The following NDUFS1 variants were observed in gnomAD, a reference collection of about 807,000 sequenced individuals.
NDUFS1 encodes NADH:ubiquinone oxidoreductase core subunit S1, also known as NADH-ubiquinone oxidoreductase 75 kDa subunit, mitochondrial.
Under a neutral mutation model 84.4 loss-of-function variants are expected in NDUFS1, and 61 were observed. The ratio of observed to expected loss-of-function variants is 0.72; its 90% CI spans 0.59 to 0.89. The LOEUF (loss-of-function observed/expected upper bound fraction) is 0.89, where lower values mean the gene tolerates loss of function less well. NDUFS1 is among the 40% of genes least tolerant of loss of function. NDUFS1 has a pLI of 0.00. For synonymous variants in NDUFS1, 275 were observed against 290.0 expected (o/e 0.95, Z 0.53); for missense variants, 891 against 890.0 (o/e 1.00, Z -0.01).
chr2:206,149,497 G>A (rs574846865), intron 4 of NDUFS1, among the ~76,000 whole-genome samples: 26 of 152,248 alleles, frequency 1.7e-4, no homozygotes, highest in Admixed American at 1.2e-3. Context: ...ATGGCAGGGC[G>A]TCAGCACTTT....
chr2:206,122,720 A>G lies in NDUFS1; in HGVS notation c.*1465T>C, dbSNP rs1398444343. 1 of 152,000 alleles carries G rather than the reference A, an allele frequency of 6.6e-6. No homozygotes were observed. The highest frequency in any genetic ancestry group is 1.5e-5 in the Non-Finnish European group (1 of 68,004). 9.4% of individuals were successfully genotyped at this position (152,000 alleles called of 1,614,324 possible). A position where few individuals can be genotyped will look rare whatever the true frequency, so the allele number is the denominator to read the frequency against. ...AGAAAAGAATAAGGATTACAAAACA[A>G]ATAAATTGTGAACATAGTTTTGTTT... On this transcript the variant is annotated 3_prime_UTR_variant, in exon 19 of 19. Transcript: ENST00000233190.
chr2:206,143,586 C>T (rs1692045911), intron 10 of NDUFS1, among the ~76,000 whole-genome samples: 2 of 144,756 alleles, frequency 1.4e-5, no homozygotes, highest in Non-Finnish European at 3.0e-5. Flanking sequence ...AGGAAGGCAG[C>T]TTTTTTTTTT....
chr2:206,137,028 CA>C (rs1691744086), intron 13 of NDUFS1, among the ~76,000 whole-genome samples: 1 of 151,942 alleles, frequency 6.6e-6, no homozygotes, highest in Admixed American at 6.6e-5. Context: ...GCTGGGATTA[CA>C]GATGTGAGCC....
rs1193947148 is a variant in NDUFS1, at chr2:206,120,512, T to C, written c.*3673A>G. The stretch of plus-strand genomic sequence containing the variant: ...GGGAACAGGAATAAAGGTACATCTA[T>C]GTCATGCTTTAGCAAATAGCTTGGG... On this transcript the variant is annotated 3_prime_UTR_variant, in exon 19 of 19. Coordinates refer to ENST00000233190, the MANE Select transcript of NDUFS1 (RefSeq NM_005006.7). 6.6e-6 allele frequency: 1 copy of C among 152,218 alleles called. No individual in the cohort carries two copies. The highest frequency in any genetic ancestry group is 1.5e-5 in the Non-Finnish European group (1 of 68,066). The allele number at this position is 152,218 out of a possible 1,614,324, so 9.4% of individuals were successfully genotyped here.
intron 3 of NDUFS1, among the ~76,000 whole-genome samples, chr2:206,150,266 T>A (rs943057018): frequency 6.6e-6 from 1 of 152,208 alleles, no homozygotes; most frequent in African/African-American, 2.4e-5. Flanking sequence ...TACCTGGACT[T>A]CTTCTTTGCC....
Position 206,140,943 on chromosome 2 carries a change from T to TATATATATACACACACAC in NDUFS1, c.1262+997_1262+998insGTGTGTGTGTATATATAT, listed in dbSNP as rs367723817. On this transcript the variant is annotated intron_variant, in intron 12 of 18. Transcript: ENST00000233190. ...GTGTGTATATATATATATATATATA[T>TATATATATACACACACAC]ACACACACACTGAGAATCATAATAC... Among the ~76,000 whole-genome samples the TATATATATACACACACAC allele has an allele frequency of 2.7e-3, 370 of 136,112 alleles. 2 individuals carry two copies. The highest frequency in any genetic ancestry group is 4.2e-3 in the Non-Finnish European group (271 of 64,516). 89.3% of individuals were successfully genotyped at this position (136,112 alleles called of 152,430 possible).
Position 206,147,851 on chromosome 2 carries a change from A to G in NDUFS1, c.339-17T>C. 1 of 1,601,922 alleles carries G rather than the reference A, an allele frequency of 6.2e-7. No individual in the cohort carries two copies. ...ACACCTTCCCTGTATGAAAATTGTA[A>G]CATATAAAATGACTCTCAAATACAC... On this transcript the variant is annotated splice_polypyrimidine_tract_variant and intron_variant, in intron 5 of 18. Transcript: ENST00000233190.
intron 1 of NDUFS1, among the ~76,000 whole-genome samples, chr2:206,155,926 G>C (rs941673435): frequency 6.6e-6 from 1 of 151,362 alleles, no homozygotes; most frequent in African/African-American, 2.4e-5. Flanking sequence ...GCTAAGCACT[G>C]AACTTTCCTT....
rs1691853196 is a variant in NDUFS1, at chr2:206,139,542, TGACAGG to T, written c.1263-934_1263-929del. ...TAATTTTTATTTTGCAGTATTTACA[TGACAGG>T]GTCAATTATCTCTTAATTATCCATT... On this transcript the variant is annotated intron_variant, in intron 12 of 18. Coordinates refer to ENST00000233190, the MANE Select transcript of NDUFS1 (RefSeq NM_005006.7). Among the ~76,000 whole-genome samples, 4 of 152,298 alleles carry T rather than the reference TGACAGG, an allele frequency of 2.6e-5. No homozygotes were observed. The South Asian group carries it at 8.3e-4, about 32-fold the overall frequency.
rs1328121697 is a variant in NDUFS1, at chr2:206,144,106, T to G, written c.899A>C (p.Gln300Pro). ...TCTGACCATTGGCTCGGTAAGTCTT[T>G]GACGTTTTAGCCCATCATAGGCAAA... ...TRFAYDGLKR[Q>P]RLTEPMVRNE... The change falls in exon 10 of 19, where the codon CAA (glutamine) becomes CCA (proline). Residue 300 changes from glutamine to proline, a missense_variant. Transcript: ENST00000233190. The G allele has an allele frequency of 6.2e-7, 1 of 1,613,990 alleles. No individual in the cohort carries two copies. The highest frequency in any genetic ancestry group is 1.3e-5 in the African/African-American group (1 of 74,936).
In NDUFS1 at chr2:206,145,029, G is replaced by C; in HGVS notation, c.738-3C>G. 1 of 1,613,284 alleles carries C rather than the reference G, an allele frequency of 6.2e-7. No individual in the cohort carries two copies. ...TTACATCAATGGATTCTGTCTTTCT[G>C]AGAAACACATACGGTGTTTACTATG... On this transcript the variant is annotated splice_region_variant and splice_polypyrimidine_tract_variant and intron_variant, in intron 8 of 18. Coordinates refer to ENST00000233190, the MANE Select transcript of NDUFS1 (RefSeq NM_005006.7).
chr2:206,153,590 A>G, intron 2 of NDUFS1, 28 bp downstream of exon 2: 2 of 1,384,666 alleles, frequency 1.4e-6, no homozygotes, highest in Non-Finnish European at 2.1e-6. Context: ...TCTAATATCC[A>G]CGAATGCAAA....
chr2:206,146,868 G>A (rs1171171977), intron 8 of NDUFS1, 35 bp downstream of exon 8: 1 of 1,586,714 alleles, frequency 6.3e-7, no homozygotes, highest in Non-Finnish European at 8.7e-7. Flanking sequence ...ATGAATTAAG[G>A]ACAAAAAAAC....
At chr2:206,154,447 T>C (rs1033986469) in intron 1 of NDUFS1, among the ~76,000 whole-genome samples, 9 of 152,178 alleles carry the variant, frequency 5.9e-5, no homozygotes, top group Non-Finnish European at 1.3e-4. Flanking sequence ...TATTCTACAA[T>C]GTACAGGACA....
chr2:206,146,045 G>A (rs1250433314), intron 8 of NDUFS1, among the ~76,000 whole-genome samples: 1 of 152,068 alleles, frequency 6.6e-6, no homozygotes, highest in African/African-American at 2.4e-5. Context: ...GTAATAGCTG[G>A]GCAAACTTGA....
chr2:206,151,382 C>T (rs1377261588), intron 3 of NDUFS1, among the ~76,000 whole-genome samples: 1 of 152,180 alleles, frequency 6.6e-6, no homozygotes, highest in Non-Finnish European at 1.5e-5. Flanking sequence ...ATAGGAAATG[C>T]AAGCATGTCG....
Position 206,159,399 on chromosome 2 carries a change from T to C in NDUFS1, c.-63A>G. 2 of 511,880 alleles carry C rather than the reference T, an allele frequency of 3.9e-6. No individual in the cohort carries two copies. Among genetic ancestry groups the C allele is most frequent in the Non-Finnish European group, 3.5e-6 (1 of 285,692 alleles). 31.7% of individuals were successfully genotyped at this position (511,880 alleles called of 1,614,324 possible). On this transcript the variant is annotated 5_prime_UTR_variant, in exon 1 of 19. Transcript: ENST00000233190. The stretch of plus-strand genomic sequence containing the variant: ...AACTGTCTGGACCACGACGACCCCC[T>C]AGGAGGCCGGGTCGCTTATTCAATA...
At position 206,139,469 on chromosome 2, in the gene NDUFS1, G is replaced by A. The variant is rs190704781; in HGVS notation, c.1263-855C>T. On this transcript the variant is annotated intron_variant, in intron 12 of 18. Coordinates refer to ENST00000233190, the MANE Select transcript of NDUFS1 (RefSeq NM_005006.7). ...CCCAGAGTGCTGGGATTATAAGCATGAGCCACTGTGCCCGGCCTAAAAAAA... is the reference window on the plus strand; with the variant it reads ...CCCAGAGTGCTGGGATTATAAGCATAAGCCACTGTGCCCGGCCTAAAAAAA... 3.4e-3 allele frequency among the ~76,000 whole-genome samples: 518 copies of A among 152,214 alleles called. 6 individuals are homozygous for A. Among genetic ancestry groups the A allele is most frequent in the African/African-American group, 0.012 (495 of 41,534 alleles).
Position 206,115,656 on chromosome 2 carries a change from T to C in NDUFS1, c.*8529A>G, listed in dbSNP as rs1021163513. On this transcript the variant is annotated 3_prime_UTR_variant, in exon 19 of 19. Coordinates refer to ENST00000233190, the MANE Select transcript of NDUFS1 (RefSeq NM_005006.7). ...AATGCAGTGTATTGCAAAATTAAGA[T>C]AGTGTTGTTCTTCATCTGACACTGT... The C allele has an allele frequency of 2.8e-5, 10 of 354,378 alleles. No individual in the cohort carries two copies. Among genetic ancestry groups the C allele is most frequent in the African/African-American group, 1.9e-4 (9 of 46,528 alleles). The allele number at this position is 354,378 out of a possible 1,614,324, so 22.0% of individuals were successfully genotyped here. A position where few individuals can be genotyped will look rare whatever the true frequency, so the allele number is the denominator to read the frequency against.
Sources: allele counts gnomAD v4.1 joint callset (sites outside exome capture counted in the v4.1 genomes callset), GRCh38; gene constraint gnomAD v4.1.1; transcripts MANE v1.5; gene names NCBI Gene and HGNC (gene_info 2026-07-23, HGNC 2026-07-21).